SNRNP40: variants seen among roughly 807,000 people sequenced by gnomAD.
SNRNP40 encodes the protein small nuclear ribonucleoprotein U5 subunit 40.
SNRNP40 carries 21 observed loss-of-function variants against 45.8 expected under a neutral mutation model. That is an observed-to-expected ratio of 0.46 (90% CI 0.32 to 0.66). SNRNP40 has a LOEUF of 0.66. SNRNP40 is among the 30% of genes least tolerant of loss of function. SNRNP40 has a pLI of 0.03. For missense variants in SNRNP40, 344 were observed against 439.1 expected, an observed-to-expected ratio of 0.78 and a Z score of 1.94; for synonymous variants, 142 against 163.8, an observed-to-expected ratio of 0.87 and a Z score of 1.01.
intron 5 of SNRNP40, among the ~76,000 whole-genome samples, chr1:31,278,287 T>C (rs1266609251): frequency 1.3e-5 from 2 of 152,238 alleles, no homozygotes; most frequent in Admixed American, 1.3e-4. Context: ...TAAGCCATAC[T>C]ATTGACAGTA....
rs1645843713 is a variant in SNRNP40 at position 31,259,662 on chromosome 1, A to G, written c.*410T>C. The G allele has an allele frequency of 2.4e-6, 1 of 416,796 alleles. No homozygotes were observed. The highest frequency in any genetic ancestry group is 2.1e-5 in the African/African-American group (1 of 47,508). The allele number at this position is 416,796 out of a possible 1,614,324, so 25.8% of individuals were successfully genotyped here. On this transcript the variant is annotated 3_prime_UTR_variant, in exon 10 of 10. Coordinates refer to ENST00000263694, the MANE Select transcript of SNRNP40 (RefSeq NM_004814.3). ...CAAAAAAAAGACAGCAATAAATCCA[A>G]TCCACATGGCTCTTGTAAAAAGGCA...
At chr1:31,262,888 G>C (rs1645869934) in intron 8 of SNRNP40, among the ~76,000 whole-genome samples, 1 of 151,778 alleles carries the variant, frequency 6.6e-6, no homozygotes, top group South Asian at 2.1e-4. Context: ...TGTGGTCCCA[G>C]CTACTTGGGA....
chr1:31,293,104 T>C lies in SNRNP40; in HGVS notation c.271+115A>G, dbSNP rs1646118314. ...TGCCCCAATTTTAGCATATTAGCCA[T>C]GCAGCCTGTTATGTTGCCAACATAG... On this transcript the variant is annotated intron_variant, in intron 2 of 9. Transcript: ENST00000263694. The C allele has an allele frequency of 8.9e-6, 10 of 1,129,040 alleles. No individual in the cohort carries two copies. The South Asian group carries it at 1.3e-4, about 14-fold the overall frequency. 69.9% of individuals were successfully genotyped at this position (1,129,040 alleles called of 1,614,324 possible).
At chr1:31,260,261 C>A in intron 9 of SNRNP40, 140 bp from the exon 10 acceptor site, 3 of 563,688 alleles carry the variant, frequency 5.3e-6, no homozygotes, top group South Asian at 2.6e-5. Context: ...ACACCATCCA[C>A]AGGAAATTGT....
chr1:31,265,581 CTG>C (rs571504986), intron 8 of SNRNP40, among the ~76,000 whole-genome samples: 99 of 152,300 alleles, frequency 6.5e-4, no homozygotes, highest in African/African-American at 2.2e-3. Flanking sequence ...TGGTTCATGA[CTG>C]TAATCCCAGC....
At chr1:31,286,165 T>TAC (rs36080060) in intron 4 of SNRNP40, among the ~76,000 whole-genome samples, 67,848 of 150,404 alleles carry the variant, frequency 0.45, 18,659 homozygotes, top group Non-Finnish European at 0.62. Flanking sequence ...TACATTTAGG[T>TAC]ACACACACAC....
chr1:31,277,721 G>A (rs1049384993), intron 5 of SNRNP40, among the ~76,000 whole-genome samples: 7 of 152,136 alleles, frequency 4.6e-5, no homozygotes, highest in African/African-American at 1.7e-4. Flanking sequence ...TTGAGACAGG[G>A]TCTCTCTCTG....
intron 5 of SNRNP40, 91 bp from the exon 6 acceptor site, chr1:31,271,590 C>CACTG (rs1441654681): frequency 8.4e-7 from 1 of 1,193,502 alleles, no homozygotes; most frequent in Non-Finnish European, 1.2e-6. Context: ...TGCCCAGAGA[C>CACTG]ACTGATATTA....
intron 1 of SNRNP40, among the ~76,000 whole-genome samples, chr1:31,295,190 T>G (rs2148393276): frequency 6.6e-6 from 1 of 151,674 alleles, no homozygotes; most frequent in South Asian, 2.1e-4. Flanking sequence ...AGGAGTGAAA[T>G]CCTGTCTCTA....
At chr1:31,296,495 G>T in intron 1 of SNRNP40, 116 bp downstream of exon 1, 2 of 1,336,900 alleles carry the variant, frequency 1.5e-6, no homozygotes, top group Non-Finnish European at 1.0e-6. Flanking sequence ...TTAACTCTGC[G>T]TAGAAACTCT....
rs149833032 is a variant in SNRNP40 at position 31,296,681 on chromosome 1, A to C, written c.71T>G (p.Leu24Trp). The C allele has an allele frequency of 7.8e-4, 1,258 of 1,613,832 alleles. No homozygotes were observed. The highest frequency in any genetic ancestry group is 1.0e-3 in the Non-Finnish European group (1,209 of 1,179,944). ...TGGGCCAGACCCCGCTCCCAACAGC[A>C]ACTCATGCCGCTGCCGCTTGACTGG... ...LVPVKRQRHE[L>W]LLGAGSGPGA... Residue 24 changes from leucine (L) to tryptophan (W), a missense_variant, in exon 1 of 10, where the codon TTG becomes TGG. Transcript: ENST00000263694.
chr1:31,260,979 A>G (rs1489379274), intron 9 of SNRNP40: 1 of 1,203,904 alleles, frequency 8.3e-7, no homozygotes, highest in South Asian at 1.4e-5. Context: ...GATCAAGAAG[A>G]AAATGGAGCA....
intron 9 of SNRNP40, chr1:31,260,937 A>T (rs1256650395): frequency 1.9e-6 from 2 of 1,040,916 alleles, no homozygotes; most frequent in Non-Finnish European, 2.5e-6. Flanking sequence ...AGTAAATTTA[A>T]AAAAAAATTA....
At chr1:31,282,459 A>C (rs1646022964) in intron 4 of SNRNP40, 1 of 144,028 alleles carries the variant, frequency 6.9e-6, no homozygotes, top group Non-Finnish European at 1.5e-5. Context: ...GCACCGACAT[A>C]TTCCTGGCTA....
chr1:31,260,452 G>T (rs1645850451), intron 9 of SNRNP40, among the ~76,000 whole-genome samples: 1 of 152,002 alleles, frequency 6.6e-6, no homozygotes, highest in Non-Finnish European at 1.5e-5. Flanking sequence ...ATGTGCTTCT[G>T]CTTGTTATAC....
At chr1:31,271,284 C>G (rs1191419192) in intron 6 of SNRNP40, 95 bp downstream of exon 6, 28 of 1,279,798 alleles carry the variant, frequency 2.2e-5, no homozygotes, top group Non-Finnish European at 3.0e-5. Context: ...CTAAAGCTTT[C>G]CCCATTACAA....
At chr1:31,281,517 G>C (rs754017155) in intron 4 of SNRNP40, 21 bp from the exon 5 acceptor site, 5 of 1,582,302 alleles carry the variant, frequency 3.2e-6, no homozygotes, top group Non-Finnish European at 4.3e-6. Context: ...GGACAAGACA[G>C]TCTATCAGCA....
intron 8 of SNRNP40, among the ~76,000 whole-genome samples, chr1:31,262,534 AAAAAAAAAAAGAG>A (rs1373413536): frequency 1.0e-5 from 1 of 99,830 alleles, no homozygotes; most frequent in African/African-American, 3.1e-5. Context: ...AAAAAAAAAA[AAAAAAAAAAAGAG>A]GAGAAAAAAG....
chr1:31,280,334 T>C (rs919566473), intron 5 of SNRNP40, among the ~76,000 whole-genome samples: 1 of 151,618 alleles, frequency 6.6e-6, no homozygotes, highest in Non-Finnish European at 1.5e-5. Flanking sequence ...CAGCTAATTT[T>C]TGTATTTTCA....
Sources: gnomAD v4.1 joint callset for allele counts (sites outside exome capture counted in the v4.1 genomes callset) on GRCh38, gnomAD v4.1.1 for gene constraint, MANE v1.5 for transcripts, NCBI Gene and HGNC (gene_info 2026-07-23, HGNC 2026-07-21) for gene names.